The following LPP variants were observed in gnomAD, a reference collection of about 807,000 sequenced individuals.
LPP encodes the protein LIM domain containing preferred translocation partner in lipoma, also known as lipoma-preferred partner.
A neutral mutation model predicts 60.4 loss-of-function variants in LPP; 38 were observed. That is an observed-to-expected ratio of 0.63 (90% CI 0.49 to 0.83). The LOEUF (loss-of-function observed/expected upper bound fraction) is 0.83, where lower values mean the gene tolerates loss of function less well. LPP is among the 40% of genes least tolerant of loss of function. The pLI, the probability that LPP is intolerant of heterozygous loss-of-function variation, is 0.00. For synonymous variants in LPP, 328 were observed against 290.8 expected, an observed-to-expected ratio of 1.13 and a Z score of -1.30; for missense variants, 902 against 783.6, an observed-to-expected ratio of 1.15 and a Z score of -1.80.
intron 3 of LPP, among the ~76,000 whole-genome samples, chr3:188,367,044 C>G (rs1389818709): frequency 6.6e-6 from 1 of 151,962 alleles, no homozygotes; most frequent in African/African-American, 2.4e-5. Context: ...CTACAGGCAC[C>G]CGCCACCATG....
At chr3:188,574,704 A>G (rs944119582) in intron 6 of LPP, among the ~76,000 whole-genome samples, 9 of 151,696 alleles carry the variant, frequency 5.9e-5, no homozygotes, top group African/African-American at 1.9e-4. Context: ...TGCCAGCGTA[A>G]TTTCCTGTGT....
chr3:188,836,898 G>A (rs541268555), intron 9 of LPP, among the ~76,000 whole-genome samples: 2 of 152,246 alleles, frequency 1.3e-5, no homozygotes, highest in South Asian at 4.1e-4. Flanking sequence ...AGAACTACGT[G>A]GGCTTTTAGA....
At chr3:188,249,930 G>T (rs1317320387) in intron 2 of LPP, among the ~76,000 whole-genome samples, 1 of 145,868 alleles carries the variant, frequency 6.9e-6, no homozygotes. Context: ...GTATTTCAGA[G>T]TAGGTCACTT....
chr3:188,845,604 C>A (rs1464147298), intron 9 of LPP, among the ~76,000 whole-genome samples: 1 of 152,156 alleles, frequency 6.6e-6, no homozygotes, highest in Non-Finnish European at 1.5e-5. Context: ...ACAGGTCTCA[C>A]AGCAAGTTTC....
rs1035525700 is a variant in LPP, at chr3:188,890,584, A to T, written c.*16105A>T. ...GTTTTTTCAATGCTCTATAAGAATG[A>T]ATATGGAAATTATATTTCTTTTTTC... On this transcript the variant is annotated 3_prime_UTR_variant, in exon 12 of 12. Coordinates refer to ENST00000617246, the MANE Select transcript of LPP (RefSeq NM_001375462.1). The T allele has an allele frequency of 5.6e-6, 1 of 177,202 alleles. No homozygotes were observed. Among genetic ancestry groups the T allele is most frequent in the Non-Finnish European group, 1.2e-5 (1 of 82,450 alleles). The allele number at this position is 177,202 out of a possible 1,614,324, so 11.0% of individuals were successfully genotyped here.
chr3:188,760,476 A>G (rs1731943301), intron 9 of LPP, among the ~76,000 whole-genome samples, 194 bp downstream of exon 9: 1 of 150,184 alleles, frequency 6.7e-6, no homozygotes, highest in African/African-American at 2.5e-5. Context: ...ATTTTTTTCT[A>G]CACATCCCCC....
At chr3:188,758,915 A>G in intron 8 of LPP, 1 of 152,222 alleles carries the variant, frequency 6.6e-6, no homozygotes, top group East Asian at 1.9e-4. Context: ...TGAATATGAA[A>G]TGAGTTAATA....
chr3:188,499,672 G>A (rs544872624), intron 5 of LPP, among the ~76,000 whole-genome samples: 8 of 152,084 alleles, frequency 5.3e-5, no homozygotes, highest in South Asian at 2.1e-4. Flanking sequence ...GATCGGGACC[G>A]CATTAAGTCT....
At chr3:188,428,157 G>T (rs146129319) in intron 4 of LPP, among the ~76,000 whole-genome samples, 2 of 152,122 alleles carry the variant, frequency 1.3e-5, no homozygotes, top group Non-Finnish European at 2.9e-5. Context: ...GCTTCTCTTG[G>T]CTAGGAGAGG....
chr3:188,694,125 A>T (rs1285274822), intron 7 of LPP, among the ~76,000 whole-genome samples: 1 of 152,194 alleles, frequency 6.6e-6, no homozygotes, highest in Admixed American at 6.5e-5. Context: ...AAGTTGTTGT[A>T]GAATTGAATA....
intron 3 of LPP, among the ~76,000 whole-genome samples, chr3:188,376,484 G>A (rs1021260323): frequency 3.3e-4 from 50 of 152,066 alleles, no homozygotes; most frequent in East Asian, 3.9e-4. Flanking sequence ...TCTTTTGATC[G>A]TTGTTGGTTT....
At position 188,289,411 on chromosome 3, in the gene LPP, C is replaced by T. The variant is rs79291360; in HGVS notation, c.-66-52252C>T. ...GTTACATCATTGAAATTTAAATTCA[C>T]TCAATTATTTATTGACTAAATATTG... On this transcript the variant is annotated intron_variant, in intron 2 of 11. Transcript: ENST00000617246. Among the ~76,000 whole-genome samples the T allele has an allele frequency of 3.9e-3, 587 of 152,322 alleles. 2 individuals are homozygous for T. The highest frequency in any genetic ancestry group is 0.013 in the African/African-American group (558 of 41,580).
At chr3:188,176,397 T>A (rs574391039) in intron 1 of LPP, among the ~76,000 whole-genome samples, 1 of 152,058 alleles carries the variant, frequency 6.6e-6, no homozygotes, top group East Asian at 1.9e-4. Context: ...TTGCCTAGAG[T>A]CACACACACT....
intron 8 of LPP, among the ~76,000 whole-genome samples, chr3:188,726,726 G>T (rs1718535866): frequency 6.6e-6 from 1 of 152,040 alleles, no homozygotes; most frequent in Non-Finnish European, 1.5e-5. Flanking sequence ...TTTTTTGTTT[G>T]TTTGATGAAT....
At chr3:188,193,476 T>C (rs1222679882) in intron 1 of LPP, among the ~76,000 whole-genome samples, 1 of 152,242 alleles carries the variant, frequency 6.6e-6, no homozygotes, top group Non-Finnish European at 1.5e-5. Flanking sequence ...CTAAAGTATG[T>C]AAAAAATTGC....
chr3:188,799,914 G>A (rs1009139397), intron 9 of LPP, among the ~76,000 whole-genome samples: 2 of 152,112 alleles, frequency 1.3e-5, no homozygotes, highest in African/African-American at 4.8e-5. Flanking sequence ...TCTAGAGGAA[G>A]CCACTAGCAG....
Position 188,609,604 on chromosome 3 carries a change from C to T in LPP, c.873C>T (p.Pro291=), listed in dbSNP as rs755013496. 19 of 1,614,024 alleles carry T rather than the reference C, an allele frequency of 1.2e-5. No individual in the cohort carries two copies. The highest frequency in any genetic ancestry group is 1.4e-5 in the Non-Finnish European group (16 of 1,180,038). The change falls in exon 7 of 12, where the codon CCC becomes CCT. Residue 291 remains proline (P), a synonymous_variant. Transcript: ENST00000617246. The surrounding 1 kb of genome is among the most constrained non-coding windows in gnomAD (Gnocchi z 6.9). ...CGGAGCCTGGGTATGGGTATGCCCCCAACCAGGGACGCTATTATGAAGGCT... is the reference window on the plus strand; with the variant it reads ...CGGAGCCTGGGTATGGGTATGCCCCTAACCAGGGACGCTATTATGAAGGCT... ...LQPEPGYGYA[P]NQGRYYEGYY... is the part of the protein sequence containing the mutation.
At chr3:188,354,788 C>A (rs566660669) in intron 3 of LPP, among the ~76,000 whole-genome samples, 3 of 151,686 alleles carry the variant, frequency 2.0e-5, no homozygotes, top group African/African-American at 7.3e-5. Flanking sequence ...TCCCTGGGAA[C>A]ATTAATCAAT....
Position 188,592,346 on chromosome 3 carries a change from G to A in LPP, c.430-16815G>A, listed in dbSNP as rs565700925. Among the ~76,000 whole-genome samples the A allele has an allele frequency of 2.5e-3, 384 of 150,742 alleles. 2 individuals are homozygous for A. Among genetic ancestry groups the A allele is most frequent in the South Asian group, 4.4e-3 (21 of 4,736 alleles). ...ACCATCACCTATACAAAACACACAC[G>A]CACACAGTCACACACACACACATAC... On this transcript the variant is annotated intron_variant, in intron 6 of 11. Coordinates refer to ENST00000617246, the MANE Select transcript of LPP (RefSeq NM_001375462.1).
Sources: allele counts gnomAD v4.1 joint callset (sites outside exome capture counted in the v4.1 genomes callset), GRCh38; gene constraint gnomAD v4.1.1; non-coding constraint Gnocchi (gnomAD v3.1); transcripts MANE v1.5; gene names NCBI Gene and HGNC (gene_info 2026-07-23, HGNC 2026-07-21).